PCDHGA5: variants seen among roughly 807,000 people sequenced by gnomAD.
PCDHGA5 encodes protocadherin gamma-A5.
A neutral mutation model predicts 56.7 loss-of-function variants in PCDHGA5; 36 were observed. The observed-to-expected ratio is 0.64, with a 90% CI of 0.49 to 0.84. The LOEUF is 0.84. Among genes scored for constraint, PCDHGA5 ranks in the 40% least tolerant of loss-of-function variants. The pLI is 0.00. For missense variants in PCDHGA5, 1,305 were observed against 1,201.5 expected, an observed-to-expected ratio of 1.09 and a Z score of -1.27; for synonymous variants, 563 against 520.2, an observed-to-expected ratio of 1.08 and a Z score of -1.12.
chr5:141,471,017 A>G (rs989277146), intron 1 of PCDHGA5, among the ~76,000 whole-genome samples: 3 of 143,850 alleles, frequency 2.1e-5, no homozygotes, highest in African/African-American at 7.8e-5. Context: ...GTGCCTGGTC[A>G]ATCATTTTTA....
chr5:141,423,456 C>T, intron 1 of PCDHGA5: 1 of 1,613,924 alleles, frequency 6.2e-7, no homozygotes, highest in Non-Finnish European at 8.5e-7. Context: ...ATTTTGTAGG[C>T]GTGGACGGGG....
At chr5:141,400,279 G>C (rs1561676065) in intron 1 of PCDHGA5, 1 of 1,614,050 alleles carries the variant, frequency 6.2e-7, no homozygotes, top group African/African-American at 1.3e-5. Context: ...CTCCAGCCCT[G>C]CCGCCTGGAG....
intron 1 of PCDHGA5, chr5:141,383,266 A>T: frequency 6.2e-7 from 1 of 1,613,948 alleles, no homozygotes. Context: ...AGACGTGGAA[A>T]TAATAGATAT....
Position 141,423,433 on chromosome 5 carries a change from A to G in PCDHGA5, c.2421+56682A>G, listed in dbSNP as rs746170494. ...GGCTTCTGAAGGCGGGTTGGCAGGT[A>G]TGCCCACGTCACATTTTGTAGGCGT... On this transcript the variant is annotated intron_variant, in intron 1 of 3. Coordinates refer to ENST00000518069, the MANE Select transcript of PCDHGA5 (RefSeq NM_018918.3). 3.1e-6 allele frequency: 5 copies of G among 1,614,010 alleles called. No homozygotes were observed. The East Asian group carries it at 8.9e-5, about 29-fold the overall frequency.
chr5:141,365,650 G>A lies in PCDHGA5; in HGVS notation c.1320G>A (p.Leu440=), dbSNP rs1764040779. The part of the protein sequence containing the change: ...PPLSTESHIP[L]KVADVNDNPP... ...TCTCTACAGAAAGCCACATCCCCTT[G>A]AAAGTAGCAGACGTTAATGACAACC... The change falls in exon 1 of 4, where the codon TTG becomes TTA. Residue 440 remains leucine, a synonymous_variant. Coordinates refer to ENST00000518069, the MANE Select transcript of PCDHGA5 (RefSeq NM_018918.3). The A allele has an allele frequency of 6.2e-7, 1 of 1,613,296 alleles. No individual in the cohort carries two copies. The highest frequency in any genetic ancestry group is 1.1e-5 in the South Asian group (1 of 91,040).
chr5:141,403,489 C>T (rs187216481), intron 1 of PCDHGA5: 2 of 1,614,050 alleles, frequency 1.2e-6, no homozygotes, highest in East Asian at 2.2e-5. Flanking sequence ...ACCACTTCTC[C>T]CTGAACGTGC....
intron 3 of PCDHGA5, among the ~76,000 whole-genome samples, chr5:141,505,973 G>A (rs1207489923): frequency 6.6e-6 from 1 of 152,166 alleles, no homozygotes; most frequent in Non-Finnish European, 1.5e-5. Context: ...ATCCCCAGCC[G>A]AGAGAACACC....
Position 141,431,581 on chromosome 5 carries a change from T to A in PCDHGA5, c.2422-63226T>A, listed in dbSNP as rs749863807. Reference sequence around the variant, plus strand: ...CTACCGACCCTGACGAAGGAGTCAATGCGGAAGTGAGGTATTCCTTCCGGT... The same window carrying A: ...CTACCGACCCTGACGAAGGAGTCAAAGCGGAAGTGAGGTATTCCTTCCGGT... On this transcript the variant is annotated intron_variant, in intron 1 of 3. Coordinates refer to ENST00000518069, the MANE Select transcript of PCDHGA5 (RefSeq NM_018918.3). This position sits in a 1 kb window ranked among gnomAD's most constrained non-coding sequence, Gnocchi z 4.8. 3.1e-6 allele frequency: 5 copies of A among 1,614,160 alleles called. No individual in the cohort carries two copies. In the South Asian group the frequency reaches 5.5e-5, roughly 18 times the overall value.
intron 1 of PCDHGA5, among the ~76,000 whole-genome samples, chr5:141,430,243 T>C (rs1020416761): frequency 5.6e-5 from 6 of 106,478 alleles, no homozygotes; most frequent in African/African-American, 3.0e-4. Flanking sequence ...GAGAAACTCC[T>C]AGGGAGACAT....
intron 1 of PCDHGA5, chr5:141,421,694 C>G (rs2096592726): frequency 6.2e-7 from 1 of 1,613,936 alleles, no homozygotes. Flanking sequence ...TTTGCTCTTC[C>G]TAATGCTAGG....
chr5:141,496,277 T>C (rs1484877198), intron 2 of PCDHGA5, among the ~76,000 whole-genome samples: 1 of 152,134 alleles, frequency 6.6e-6, no homozygotes, highest in Non-Finnish European at 1.5e-5. Context: ...AGACCTTCAG[T>C]TGGTCTGAGC....
Position 141,364,912 on chromosome 5 carries a change from G to C in PCDHGA5, c.582G>C (p.Leu194=), listed in dbSNP as rs1763613717. 1 of 1,613,966 alleles carries C rather than the reference G, an allele frequency of 6.2e-7. No individual in the cohort carries two copies. The highest frequency in any genetic ancestry group is 8.5e-7 in the Non-Finnish European group (1 of 1,179,888). The change falls in exon 1 of 4, where the codon CTG becomes CTC. Residue 194 remains leucine (L), a synonymous_variant. Transcript: ENST00000518069. ...CTGATGGACAAAAGTATCCGGAGCT[G>C]GTGTTGGAACAGCCCCTAGACCGCG... ...SGTDGQKYPE[L]VLEQPLDREK...
chr5:141,397,512 A>G (rs1043730091), intron 1 of PCDHGA5, among the ~76,000 whole-genome samples: 1 of 152,242 alleles, frequency 6.6e-6, no homozygotes, highest in Non-Finnish European at 1.5e-5. Context: ...AATTGTTTCC[A>G]TAGCTAATAA....
intron 1 of PCDHGA5, chr5:141,385,164 T>A (rs758100484): frequency 9.3e-6 from 15 of 1,614,168 alleles, no homozygotes; most frequent in Non-Finnish European, 1.3e-5. Flanking sequence ...CCTATTCCCA[T>A]GAGGTCTCCC....
rs934816631 is a variant in PCDHGA5, at chr5:141,378,863, G to A, written c.2421+12112G>A. 6 of 152,136 alleles carry A rather than the reference G, an allele frequency of 3.9e-5. No individual in the cohort carries two copies. The East Asian group carries it at 7.7e-4, about 20-fold the overall frequency. The allele number at this position is 152,136 out of a possible 1,614,324, so 9.4% of individuals were successfully genotyped here. ...GAGTTTTTGACTGTCAATGATGTTC[G>A]AATAGAAAATGGATCACTAAGGAGA... On this transcript the variant is annotated intron_variant, in intron 1 of 3. Transcript: ENST00000518069.
intron 1 of PCDHGA5, among the ~76,000 whole-genome samples, chr5:141,494,397 A>G (rs965158973): frequency 7.2e-5 from 11 of 152,208 alleles, no homozygotes; most frequent in African/African-American, 2.4e-4. Flanking sequence ...GAATAAATTC[A>G]TTCTAGGGCT....
chr5:141,423,435 G>A (rs2096740494), intron 1 of PCDHGA5: 1 of 1,613,892 alleles, frequency 6.2e-7, no homozygotes, highest in Admixed American at 1.7e-5. Context: ...TGGCAGGTAT[G>A]CCCACGTCAC....
chr5:141,475,424 T>C (rs2099363271), intron 1 of PCDHGA5, among the ~76,000 whole-genome samples: 1 of 152,244 alleles, frequency 6.6e-6, no homozygotes, highest in African/African-American at 2.4e-5. Context: ...CTCCTGCTAA[T>C]TTGATAGTAG....
Position 141,431,954 on chromosome 5 carries a change from G to T in PCDHGA5, c.2422-62853G>T. On this transcript the variant is annotated intron_variant, in intron 1 of 3. Coordinates refer to ENST00000518069, the MANE Select transcript of PCDHGA5 (RefSeq NM_018918.3). The surrounding 1 kb of genome is among the most constrained non-coding windows in gnomAD (Gnocchi z 4.8). Reference sequence around the variant, plus strand: ...GCCCTTTAAATTAGAAAAATCTTACGGAAATTACTATAGTTTAGTCACAGA... The same window carrying T: ...GCCCTTTAAATTAGAAAAATCTTACTGAAATTACTATAGTTTAGTCACAGA... The T allele has an allele frequency of 6.2e-7, 1 of 1,614,110 alleles. No homozygotes were observed. Among genetic ancestry groups the T allele is most frequent in the Non-Finnish European group, 8.5e-7 (1 of 1,180,010 alleles).
Sources: allele counts gnomAD v4.1 joint callset (sites outside exome capture counted in the v4.1 genomes callset), GRCh38; gene constraint gnomAD v4.1.1; non-coding constraint Gnocchi (gnomAD v3.1); transcripts MANE v1.5; gene names NCBI Gene and HGNC (gene_info 2026-07-23, HGNC 2026-07-21).